TPTE2: variants seen among roughly 807,000 people sequenced by gnomAD.
The protein encoded by TPTE2 is phosphatidylinositol 3,4,5-trisphosphate 3-phosphatase TPTE2.
A neutral mutation model predicts 78.6 loss-of-function variants in TPTE2; 53 were observed. The observed-to-expected ratio is 0.67, with a 90% CI of 0.54 to 0.85. The LOEUF (loss-of-function observed/expected upper bound fraction) is 0.85, where lower values mean the gene tolerates loss of function less well. TPTE2 is among the 40% of genes least tolerant of loss of function. The probability of loss-of-function intolerance (pLI) is 0.00; values close to 1 mark genes in which losing one functional copy is unlikely to be tolerated. For synonymous variants in TPTE2, 175 were observed against 206.2 expected (o/e 0.85, Z 1.30); for missense variants, 461 against 623.0 (o/e 0.74, Z 2.77).
chr13:19,533,026 G>A (rs1169906686), intron 1 of TPTE2, among the ~76,000 whole-genome samples: 1 of 152,186 alleles, frequency 6.6e-6, no homozygotes, highest in African/African-American at 2.4e-5. Context: ...ACATAGCAGA[G>A]CTCAGTAAAT....
intron 4 of TPTE2, among the ~76,000 whole-genome samples, chr13:19,480,458 TA>T (rs1009719996): frequency 1.8e-4 from 27 of 152,314 alleles, no homozygotes; most frequent in African/African-American, 5.5e-4. Flanking sequence ...TGAATATATT[TA>T]AAATCTTGGG....
chr13:19,552,563 A>G, the TPTE2 span: 24 of 836,422 alleles, frequency 2.9e-5, no homozygotes, highest in Non-Finnish European at 4.5e-5. Context: ...CCTGAAATTA[A>G]CACTTACCTG....
At chr13:19,538,872 G>T (rs1034403319), upstream of TPTE2, among the ~76,000 whole-genome samples, 1 of 152,134 alleles carries the variant, frequency 6.6e-6, no homozygotes, top group South Asian at 2.1e-4. Flanking sequence ...CGACAGAATT[G>T]GATTTTTTGT....
At chr13:19,540,312 T>TATTATTATTA (rs1291455389), upstream of TPTE2, among the ~76,000 whole-genome samples, 2 of 150,056 alleles carry the variant, frequency 1.3e-5, no homozygotes, top group Non-Finnish European at 3.0e-5. Flanking sequence ...ATTATTATGG[T>TATTATTATTA]TTTTTTTAAG....
In TPTE2 at chr13:19,486,842, A is replaced by G. The variant is rs1295075825; in HGVS notation, c.120-4295T>C. On this transcript the variant is annotated intron_variant, in intron 3 of 19. Coordinates refer to ENST00000400230, the Ensembl canonical transcript of TPTE2. The surrounding 1 kb of genome is among the most constrained non-coding windows in gnomAD (Gnocchi z 4.3). ...GTAGTCCATAGAGCTATTCTAGCTC[A>G]GGATGTGGGCACACTGCTGCTCAGC... Among the ~76,000 whole-genome samples, 1 of 152,160 alleles carries G rather than the reference A, an allele frequency of 6.6e-6. No individual in the cohort carries two copies. The highest frequency in any genetic ancestry group is 6.5e-5 in the Admixed American group (1 of 15,288).
intron 13 of TPTE2, among the ~76,000 whole-genome samples, chr13:19,447,118 C>T (rs563501148): frequency 2.6e-5 from 4 of 151,946 alleles, no homozygotes; most frequent in African/African-American, 9.7e-5. Flanking sequence ...CTACTGGTAA[C>T]CTGCAGGCAG....
At chr13:19,525,961 G>C (rs184723445) in intron 1 of TPTE2, among the ~76,000 whole-genome samples, 1 of 152,100 alleles carries the variant, frequency 6.6e-6, no homozygotes, top group African/African-American at 2.4e-5. Context: ...ACTAATACTA[G>C]AGAAATGCAA....
At chr13:19,472,908 C>T (rs1163996444) in intron 6 of TPTE2, among the ~76,000 whole-genome samples, 2 of 152,220 alleles carry the variant, frequency 1.3e-5, no homozygotes, top group Non-Finnish European at 2.9e-5. Context: ...TCTATCTGCT[C>T]TAGGCGGCAC....
In TPTE2 at chr13:19,464,444, A is replaced by G. The variant is rs7339103; in HGVS notation, c.741+12T>C. 1,334,052 of 1,606,464 alleles carry G rather than the reference A, an allele frequency of 0.83. 562,436 individuals are homozygous for G. The highest frequency in any genetic ancestry group is 0.97 in the East Asian group (43,407 of 44,764). On this transcript the variant is annotated intron_variant, in intron 10 of 19. Transcript: ENST00000400230. ...ACTGAGAAATGAGTATTTGTCAGAT[A>G]AAGACCCTTACCTCAATTGGATTTC...
At chr13:19,483,149 A>G (rs916005721) in intron 3 of TPTE2, among the ~76,000 whole-genome samples, 1 of 152,234 alleles carries the variant, frequency 6.6e-6, no homozygotes, top group Non-Finnish European at 1.5e-5. Context: ...CTCCATGTTC[A>G]TGGCTGCTGA....
chr13:19,467,218 T>A lies in TPTE2; in HGVS notation c.512+7A>T. On this transcript the variant is annotated splice_region_variant and intron_variant, in intron 7 of 19. Coordinates refer to ENST00000400230, the Ensembl canonical transcript of TPTE2. The stretch of plus-strand genomic sequence containing the variant: ...ACTTTAAGAGAGGTAAGTCTTATGT[T>A]TCATACCTGGGAATATTCCTAAGCA... 1 of 1,578,842 alleles carries A rather than the reference T, an allele frequency of 6.3e-7. No individual in the cohort carries two copies. Among genetic ancestry groups the A allele is most frequent in the Non-Finnish European group, 8.5e-7 (1 of 1,170,734 alleles).
intron 14 of TPTE2, 146 bp downstream of exon 17, chr13:19,437,946 A>C (rs946337625): frequency 9.8e-6 from 12 of 1,220,588 alleles, no homozygotes; most frequent in Non-Finnish European, 1.3e-5. Context: ...AAAGTATCAA[A>C]AATAGACTTT....
chr13:19,484,355 G>T (rs911266371), intron 3 of TPTE2, among the ~76,000 whole-genome samples: 4 of 152,146 alleles, frequency 2.6e-5, no homozygotes, highest in African/African-American at 7.2e-5. Flanking sequence ...TTAAAAATTT[G>T]TTGAGACTTG....
chr13:19,561,389 G>A, the TPTE2 span: 5 of 453,556 alleles, frequency 1.1e-5, no homozygotes, highest in African/African-American at 4.0e-5. Flanking sequence ...CGCAGACGCC[G>A]CCACCTCCCG....
At chr13:19,479,893 G>A (rs1441804711) in intron 4 of TPTE2, among the ~76,000 whole-genome samples, 2 of 151,450 alleles carry the variant, frequency 1.3e-5, no homozygotes, top group African/African-American at 4.9e-5. Context: ...AACCTGGGAG[G>A]CCAAGGTTGC....
chr13:19,515,839 T>C (rs1869758115), intron 1 of TPTE2, among the ~76,000 whole-genome samples: 1 of 152,212 alleles, frequency 6.6e-6, no homozygotes, highest in South Asian at 2.1e-4. Flanking sequence ...GGAAGAGAAC[T>C]GGAAGACATT....
intron 10 of TPTE2, among the ~76,000 whole-genome samples, chr13:19,462,250 G>C (rs1340826700): frequency 6.6e-6 from 1 of 152,030 alleles, no homozygotes; most frequent in African/African-American, 2.4e-5. Context: ...TCCAGATGTA[G>C]AACCACCTTA....
At chr13:19,503,127 G>T in intron 1 of TPTE2, 97 bp downstream of exon 4, 2 of 1,543,384 alleles carry the variant, frequency 1.3e-6, no homozygotes, top group Non-Finnish European at 1.8e-6. Context: ...ATGCATGGAT[G>T]CATGGATGGA....
chr13:19,545,776 G>A, the TPTE2 span, among the ~76,000 whole-genome samples: 1 of 152,178 alleles, frequency 6.6e-6, no homozygotes, highest in Non-Finnish European at 1.5e-5. Context: ...TCAAAGAACA[G>A]TAGATATTTT....
Sources: allele counts gnomAD v4.1 joint callset (sites outside exome capture counted in the v4.1 genomes callset), GRCh38; gene constraint gnomAD v4.1.1; non-coding constraint Gnocchi (gnomAD v3.1); transcripts MANE v1.5; gene names NCBI Gene and HGNC (gene_info 2026-07-23, HGNC 2026-07-21).